Variants in ATP10B observed in about 807,000 individuals in gnomAD.
The protein encoded by ATP10B is phospholipid-transporting ATPase VB.
ATP10B carries 122 observed loss-of-function variants against 141.2 expected under a neutral mutation model. The ratio of observed to expected loss-of-function variants is 0.86; its 90% CI spans 0.75 to 1.00. The LOEUF (loss-of-function observed/expected upper bound fraction) is 1.00. Ranked by LOEUF, ATP10B falls within the 50% of genes least tolerant of loss-of-function variation. The pLI is 0.00. For missense variants in ATP10B, 1,876 were observed against 1,825.3 expected (o/e 1.03, Z -0.51); for synonymous variants, 685 against 692.0 (o/e 0.99, Z 0.16).
At chr5:160,573,599 T>C (rs1425707965) in intron 24 of ATP10B, among the ~76,000 whole-genome samples, 2 of 152,126 alleles carry the variant, frequency 1.3e-5, no homozygotes. Context: ...TAGATTCTCA[T>C]AGGAGCACGA....
chr5:160,791,024 C>A (rs1030125828), intron 1 of ATP10B, among the ~76,000 whole-genome samples: 1 of 152,092 alleles, frequency 6.6e-6, no homozygotes, highest in Non-Finnish European at 1.5e-5. Context: ...AGCCAAGGAA[C>A]CTGGGCAGCA....
chr5:160,870,223 AG>A, the ATP10B span, among the ~76,000 whole-genome samples: 4 of 152,180 alleles, frequency 2.6e-5, no homozygotes, highest in Non-Finnish European at 5.9e-5. Flanking sequence ...CAAAAGGCAT[AG>A]GCTCGCTAAA....
At chr5:160,692,471 C>A (rs1265265114) in intron 3 of ATP10B, among the ~76,000 whole-genome samples, 1 of 152,130 alleles carries the variant, frequency 6.6e-6, no homozygotes, top group African/African-American at 2.4e-5. Context: ...TGACCTACTT[C>A]CTTGTAACTG....
chr5:160,578,058 CT>C (rs1303935315), intron 24 of ATP10B, among the ~76,000 whole-genome samples: 1 of 151,970 alleles, frequency 6.6e-6, no homozygotes, highest in Non-Finnish European at 1.5e-5. Context: ...AAAATCCAGT[CT>C]GTAATTTTTT....
intron 1 of ATP10B, among the ~76,000 whole-genome samples, chr5:160,837,108 G>A (rs1489505447): frequency 6.6e-6 from 1 of 152,016 alleles, no homozygotes; most frequent in African/African-American, 2.4e-5. Context: ...AGTCCATCAT[G>A]TTTTCTCATC....
At chr5:160,688,684 G>A in intron 4 of ATP10B, 76 bp downstream of exon 4, 2 of 828,300 alleles carry the variant, frequency 2.4e-6, no homozygotes, top group Non-Finnish European at 2.9e-6. Context: ...TTAAAACAAA[G>A]GAAAAGGTAC....
At chr5:160,663,371 A>G (rs1762075970) in intron 7 of ATP10B, among the ~76,000 whole-genome samples, 1 of 152,330 alleles carries the variant, frequency 6.6e-6, no homozygotes, top group East Asian at 1.9e-4. Context: ...TCACAATAGC[A>G]AAGACTTGGA....
At chr5:160,922,312 T>C in the ATP10B span, among the ~76,000 whole-genome samples, 1 of 152,220 alleles carries the variant, frequency 6.6e-6, no homozygotes, top group Non-Finnish European at 1.5e-5. Context: ...GTTTTCTTCA[T>C]GTGCAAAATG....
chr5:160,628,354 C>T (rs987361645), intron 13 of ATP10B, among the ~76,000 whole-genome samples: 1 of 152,214 alleles, frequency 6.6e-6, no homozygotes, highest in Non-Finnish European at 1.5e-5. Context: ...CTGCTTCCTG[C>T]CCTGTGTGAT....
chr5:160,786,435 A>T (rs1035321041), intron 1 of ATP10B, among the ~76,000 whole-genome samples: 1 of 151,608 alleles, frequency 6.6e-6, no homozygotes, highest in Admixed American at 6.6e-5. Context: ...TTTTCTTTTT[A>T]AAAAAATCCT....
At chr5:160,827,813 T>C (rs551241365) in intron 1 of ATP10B, among the ~76,000 whole-genome samples, 6 of 152,256 alleles carry the variant, frequency 3.9e-5, no homozygotes, top group Non-Finnish European at 2.9e-5. Flanking sequence ...CCCAGCACAA[T>C]TTATTGAAAA....
At chr5:160,860,556 G>A in the ATP10B span, among the ~76,000 whole-genome samples, 2 of 151,910 alleles carry the variant, frequency 1.3e-5, no homozygotes, top group Non-Finnish European at 2.9e-5. Flanking sequence ...AGGTAAAGAT[G>A]AAACAACAAT....
chr5:160,813,825 C>T (rs1321574544), intron 1 of ATP10B, among the ~76,000 whole-genome samples: 1 of 152,176 alleles, frequency 6.6e-6, no homozygotes, highest in African/African-American at 2.4e-5. Context: ...TGCTGTTCAC[C>T]AATATCTGCT....
chr5:160,621,044 A>G, intron 14 of ATP10B, 94 bp from the exon 15 acceptor site: 1 of 1,431,908 alleles, frequency 7.0e-7, no homozygotes, highest in Non-Finnish European at 9.4e-7. Flanking sequence ...TTTTGCAATA[A>G]GTGAAGCCAG....
chr5:160,791,370 CA>C (rs1418378520), intron 1 of ATP10B, among the ~76,000 whole-genome samples: 2 of 152,110 alleles, frequency 1.3e-5, no homozygotes, highest in African/African-American at 4.8e-5. Context: ...GATCTAGGAG[CA>C]AGTGCGGCTT....
At chr5:160,681,012 G>A (rs1032660092) in intron 6 of ATP10B, among the ~76,000 whole-genome samples, 2 of 152,206 alleles carry the variant, frequency 1.3e-5, no homozygotes, top group African/African-American at 4.8e-5. Context: ...ACACTGAGGA[G>A]GGCTGAATGA....
At chr5:160,850,904 T>C (rs941805644) in intron 1 of ATP10B, among the ~76,000 whole-genome samples, 2 of 152,160 alleles carry the variant, frequency 1.3e-5, no homozygotes, top group Non-Finnish European at 2.9e-5. Context: ...ACAAACTCAG[T>C]GGGTGTTATT....
At chr5:160,601,313 A>G (rs1757087053) in intron 21 of ATP10B, among the ~76,000 whole-genome samples, 1 of 152,216 alleles carries the variant, frequency 6.6e-6, no homozygotes, top group African/African-American at 2.4e-5. Context: ...AAAAATTGCA[A>G]TTTTGTAGCT....
At chr5:160,878,577 C>A in the ATP10B span, among the ~76,000 whole-genome samples, 1 of 151,524 alleles carries the variant, frequency 6.6e-6, no homozygotes, top group East Asian at 1.9e-4. Flanking sequence ...GCAAAAGAAA[C>A]TACCGTCAGA....
Sources: gnomAD v4.1 joint callset for allele counts (sites outside exome capture counted in the v4.1 genomes callset) on GRCh38, gnomAD v4.1.1 for gene constraint, MANE v1.5 for transcripts, NCBI Gene and HGNC (gene_info 2026-07-23, HGNC 2026-07-21) for gene names.